The following TOP1MT variants were observed in gnomAD, a reference collection of about 807,000 sequenced individuals.
TOP1MT encodes the protein DNA topoisomerase I, mitochondrial.
In TOP1MT, 80 loss-of-function variants were observed where a neutral mutation model predicts 73.9. The ratio of observed to expected loss-of-function variants is 1.08; its 90% CI spans 0.90 to 1.30. The LOEUF (loss-of-function observed/expected upper bound fraction) is 1.30. Among genes scored for constraint, TOP1MT ranks in the 50% most tolerant of loss-of-function variants. The probability of loss-of-function intolerance (pLI) is 0.00; values close to 1 mark genes in which losing one functional copy is unlikely to be tolerated. For missense variants in TOP1MT, 815 were observed against 808.0 expected (o/e 1.01, Z -0.10); for synonymous variants, 338 against 326.4 (o/e 1.04, Z -0.38).
rs111844794 is a variant in TOP1MT at position 143,309,432 on chromosome 8, G to A, written c.*9C>T. ...ACACATACAAAAGAAGTTTCAACAC[G>A]GCTCGTCGTTAGAATTCAAAGTCTT... On this transcript the variant is annotated 3_prime_UTR_variant, in exon 14 of 14. Coordinates refer to ENST00000329245, the MANE Select transcript of TOP1MT (RefSeq NM_052963.3). 438 of 1,612,690 alleles carry A rather than the reference G, an allele frequency of 2.7e-4. 1 individual carries two copies. The African/African-American group carries it at 4.7e-3, about 17-fold the overall frequency.
intron 13 of TOP1MT, 156 bp from the exon 14 acceptor site, chr8:143,309,699 A>T: frequency 6.6e-7 from 1 of 1,514,882 alleles, no homozygotes; most frequent in Non-Finnish European, 8.8e-7. Flanking sequence ...ACCCCACCCC[A>T]CGCATGCCGC....
At chr8:143,331,196 G>A (rs1816843800) in intron 2 of TOP1MT, 28 bp downstream of exon 2, 1 of 1,556,738 alleles carries the variant, frequency 6.4e-7, no homozygotes, top group Non-Finnish European at 8.8e-7. Context: ...AGCGCAGGCT[G>A]GGGAGGAGCC....
intron 8 of TOP1MT, among the ~76,000 whole-genome samples, chr8:143,319,935 C>T (rs1816283217): frequency 6.6e-6 from 1 of 151,746 alleles, no homozygotes; most frequent in Non-Finnish European, 1.5e-5. Flanking sequence ...ACCAGCCTGG[C>T]CAACATGGTG....
intron 8 of TOP1MT, among the ~76,000 whole-genome samples, chr8:143,320,333 T>C (rs1468956321): frequency 6.6e-6 from 1 of 152,094 alleles, no homozygotes; most frequent in East Asian, 2.0e-4. Context: ...GGTTTCACCA[T>C]GTTAGCCAGG....
chr8:143,337,842 A>C (rs1563769517), upstream of TOP1MT, among the ~76,000 whole-genome samples: 1 of 152,070 alleles, frequency 6.6e-6, no homozygotes. Flanking sequence ...ATCGGCCCGG[A>C]CCTAATCGCT....
intron 7 of TOP1MT, 74 bp downstream of exon 7, chr8:143,323,925 T>C (rs1278699585): frequency 6.3e-7 from 1 of 1,575,030 alleles, no homozygotes. Context: ...GTCGCCACAC[T>C]GCACCATCCA....
intron 3 of TOP1MT, among the ~76,000 whole-genome samples, chr8:143,329,014 T>C (rs1341688000): frequency 6.6e-6 from 1 of 151,978 alleles, no homozygotes; most frequent in Non-Finnish European, 1.5e-5. Flanking sequence ...CTACTCTCCT[T>C]CTTATATGCC....
At chr8:143,315,592 G>A (rs1247448960) in intron 12 of TOP1MT, 135 bp downstream of exon 12, 2 of 659,406 alleles carry the variant, frequency 3.0e-6, no homozygotes, top group Non-Finnish European at 5.2e-6. Context: ...TCTTTGTCTT[G>A]TGTCTTTATT....
In TOP1MT at chr8:143,344,889, G is replaced by A. The variant is rs188294691; in HGVS notation, c.-39+27C>T. On this transcript the variant is annotated intron_variant, in intron 1 of 5. Coordinates refer to the TOP1MT transcript ENST00000518007. The surrounding 1 kb of genome is among the most constrained non-coding windows in gnomAD (Gnocchi z 4.6). ...GGCCAGGCAGGAGACAGAATGGATG[G>A]GCGTCAAGGGAGGAGCCACCCAGCA... 311 of 152,556 alleles carry A rather than the reference G, an allele frequency of 2.0e-3. 1 individual carries two copies. Among genetic ancestry groups the A allele is most frequent in the Non-Finnish European group, 4.3e-4 (29 of 68,208 alleles). The allele number at this position is 152,556 out of a possible 1,614,324, so 9.5% of individuals were successfully genotyped here.
At chr8:143,324,889 T>G (rs1816662467) in intron 5 of TOP1MT, among the ~76,000 whole-genome samples, 1 of 152,110 alleles carries the variant, frequency 6.6e-6, no homozygotes, top group Non-Finnish European at 1.5e-5. Flanking sequence ...TGCACAGACC[T>G]CTCAGCACCA....
In TOP1MT at chr8:143,316,065, A is replaced by G. The variant is rs141531380; in HGVS notation, c.1392T>C (p.Ile464=). The G allele has an allele frequency of 1.2e-5, 20 of 1,614,032 alleles. No individual in the cohort carries two copies. The highest frequency in any genetic ancestry group is 1.7e-5 in the Admixed American group (1 of 60,000). Residue 464 remains isoleucine, a synonymous_variant, in exon 11 of 14, where the codon ATT becomes ATC. Coordinates refer to ENST00000329245, the MANE Select transcript of TOP1MT (RefSeq NM_052963.3). ...SYNRANRVVA[I]LCNHQRATPS... ...GGGTTGCTCGCTGATGGTTGCAGAGAATGGCCACGACTCGGTTGGCTCGGT... is the reference window on the plus strand; with the variant it reads ...GGGTTGCTCGCTGATGGTTGCAGAGGATGGCCACGACTCGGTTGGCTCGGT...
At position 143,323,211 on chromosome 8, in the gene TOP1MT, C is replaced by CCACA. The variant is rs1394994508; in HGVS notation, c.960+784_960+787dup. Among the ~76,000 whole-genome samples, 465 of 99,424 alleles carry CCACA rather than the reference C, an allele frequency of 4.7e-3. 39 individuals carry two copies. The highest frequency in any genetic ancestry group is 0.019 in the African/African-American group (447 of 23,938). The allele number at this position is 99,424 out of a possible 152,430, so 65.2% of individuals were successfully genotyped here. The stretch of plus-strand genomic sequence containing the variant: ...CACACGCATGCCACACACAGGCACG[C>CCACA]CACACAGGCACGCCACACACAGGCA... On this transcript the variant is annotated intron_variant, in intron 7 of 13. Transcript: ENST00000329245.
chr8:143,326,313 TTGA>T lies in TOP1MT; in HGVS notation c.389_391del (p.Ile130del). On this transcript the variant is annotated inframe_deletion, in exon 4 of 14. Transcript: ENST00000329245. ...CGTGAAGTCACACTTGTCCAGGCTC[TTGA>T]TGACTTCCCTCTCTTCCACCGCCAT... is the stretch of plus-strand genomic sequence containing the variant. 1 of 1,614,040 alleles carries T rather than the reference TTGA, an allele frequency of 6.2e-7. No individual in the cohort carries two copies. The highest frequency in any genetic ancestry group is 8.5e-7 in the Non-Finnish European group (1 of 1,180,016).
At chr8:143,310,038 G>A (rs768164903) in intron 13 of TOP1MT, 30 bp downstream of exon 13, 1 of 1,607,366 alleles carries the variant, frequency 6.2e-7, no homozygotes, top group Non-Finnish European at 8.5e-7. Flanking sequence ...ATAGGCCACA[G>A]GTGGGAACTG....
chr8:143,359,274 A>G, upstream of TOP1MT: 1 of 985,276 alleles, frequency 1.0e-6, no homozygotes, highest in Non-Finnish European at 1.2e-6. Flanking sequence ...CTGAGGTGTT[A>G]CAAGGTGGCT....
intron 12 of TOP1MT, 88 bp downstream of exon 12, chr8:143,315,639 G>A (rs1816137124): frequency 1.1e-6 from 1 of 914,060 alleles, no homozygotes; most frequent in African/African-American, 1.7e-5. Context: ...GAGACAACAA[G>A]GGTCGTCTCC....
rs772373507 is a variant in TOP1MT, at chr8:143,315,686, C to A, written c.1553+41G>T. 2.4e-5 allele frequency: 38 copies of A among 1,558,902 alleles called. 1 individual carries two copies. Among genetic ancestry groups the A allele is most frequent in the Non-Finnish European group, 3.1e-5 (35 of 1,132,226 alleles). Reference sequence around the variant, plus strand: ...TGGGGCTGGACCCTACGGGTTGGGACAGGGCCCCGGGAGAAGGCGTCTGAG... The same window carrying A: ...TGGGGCTGGACCCTACGGGTTGGGAAAGGGCCCCGGGAGAAGGCGTCTGAG... On this transcript the variant is annotated intron_variant, in intron 12 of 13. Coordinates refer to ENST00000329245, the MANE Select transcript of TOP1MT (RefSeq NM_052963.3).
At chr8:143,321,462 C>G (rs528281464) in intron 7 of TOP1MT, 76 bp from the exon 8 acceptor site, 1 of 998,808 alleles carries the variant, frequency 1.0e-6, no homozygotes, top group South Asian at 1.7e-5. Context: ...CACACACGCA[C>G]GCCACACACG....
At chr8:143,325,695 C>T (rs995879654) in intron 4 of TOP1MT, among the ~76,000 whole-genome samples, 162 bp from the exon 5 acceptor site, 1 of 152,202 alleles carries the variant, frequency 6.6e-6, no homozygotes, top group Non-Finnish European at 1.5e-5. Flanking sequence ...GGGGACAGTG[C>T]AGGTGGGCTT....
Sources: allele counts gnomAD v4.1 joint callset (sites outside exome capture counted in the v4.1 genomes callset), GRCh38; gene constraint gnomAD v4.1.1; non-coding constraint Gnocchi (gnomAD v3.1); transcripts MANE v1.5; gene names NCBI Gene and HGNC (gene_info 2026-07-23, HGNC 2026-07-21).